TMEM132D: variants seen among roughly 807,000 people sequenced by gnomAD.
TMEM132D encodes the protein mature OL transmembrane protein.
TMEM132D carries 21 observed loss-of-function variants against 62.3 expected under a neutral mutation model. The observed-to-expected ratio is 0.34, with a 90% CI of 0.24 to 0.49. The LOEUF (loss-of-function observed/expected upper bound fraction) is 0.49. Among genes scored for constraint, TMEM132D ranks in the 20% least tolerant of loss-of-function variants. The pLI is 0.99. For missense variants in TMEM132D, 1,346 were observed against 1,402.8 expected (o/e 0.96, Z 0.65); for synonymous variants, 621 against 575.6 (o/e 1.08, Z -1.13).
intron 5 of TMEM132D, among the ~76,000 whole-genome samples, chr12:129,157,584 G>A (rs1402836261): frequency 6.6e-6 from 1 of 152,180 alleles, no homozygotes; most frequent in East Asian, 1.9e-4. Context: ...CACAATGGAA[G>A]CAACAGACAC....
At chr12:129,643,132 C>T (rs1227718145) in intron 2 of TMEM132D, among the ~76,000 whole-genome samples, 1 of 151,994 alleles carries the variant, frequency 6.6e-6, no homozygotes, top group African/African-American at 2.4e-5. Flanking sequence ...ACCATGTTGA[C>T]CAGGCTGGTC....
At chr12:129,402,066 C>T (rs1251410067) in intron 3 of TMEM132D, among the ~76,000 whole-genome samples, 1 of 152,150 alleles carries the variant, frequency 6.6e-6, no homozygotes, top group Non-Finnish European at 1.5e-5. Flanking sequence ...CCAAGCTCTC[C>T]AAAGGCAAGA....
At chr12:129,119,709 C>T (rs569474107) in intron 5 of TMEM132D, among the ~76,000 whole-genome samples, 1 of 152,278 alleles carries the variant, frequency 6.6e-6, no homozygotes, top group African/African-American at 2.4e-5. Context: ...GTCTGATGAG[C>T]ACCTCAGGGG....
intron 1 of TMEM132D, among the ~76,000 whole-genome samples, chr12:129,837,234 T>C (rs551817957): frequency 2.8e-4 from 42 of 152,342 alleles, no homozygotes; most frequent in Non-Finnish European, 3.5e-4. Flanking sequence ...TGGAAAGTAT[T>C]TTGTGACAAT....
At position 129,747,365 on chromosome 12, in the gene TMEM132D, T is replaced by C. The variant is rs115494154; in HGVS notation, c.80-46667A>G. On this transcript the variant is annotated intron_variant, in intron 1 of 8. Transcript: ENST00000422113. ...AGGACATTGCCCAATTGGTAGTTTC[T>C]CACTTTTACACATTTGAAAGCTCCA... 1.5e-3 allele frequency among the ~76,000 whole-genome samples: 227 copies of C among 152,086 alleles called. 1 individual carries two copies. Among genetic ancestry groups the C allele is most frequent in the African/African-American group, 5.1e-3 (211 of 41,474 alleles).
intron 3 of TMEM132D, among the ~76,000 whole-genome samples, chr12:129,515,165 A>G (rs1875634536): frequency 6.6e-6 from 1 of 152,098 alleles, no homozygotes. Context: ...CTTAATCTAG[A>G]TGCCCACTGA....
chr12:129,169,560 G>T (rs149496908), intron 5 of TMEM132D, among the ~76,000 whole-genome samples: 1 of 152,302 alleles, frequency 6.6e-6, no homozygotes, highest in East Asian at 1.9e-4. Context: ...TGGTTGTTCT[G>T]TTATCTTCTA....
chr12:129,716,914 A>G (rs1194570532), intron 1 of TMEM132D, among the ~76,000 whole-genome samples: 1 of 152,220 alleles, frequency 6.6e-6, no homozygotes, highest in Non-Finnish European at 1.5e-5. Flanking sequence ...TGGTCATAGG[A>G]ATTTGTGGGG....
At chr12:129,511,118 C>A (rs1311560456) in intron 3 of TMEM132D, among the ~76,000 whole-genome samples, 1 of 152,166 alleles carries the variant, frequency 6.6e-6, no homozygotes, top group African/African-American at 2.4e-5. Context: ...CATGTAAATA[C>A]ATCATAATAG....
chr12:129,876,087 T>C (rs1874408432), intron 1 of TMEM132D, among the ~76,000 whole-genome samples: 1 of 152,290 alleles, frequency 6.6e-6, no homozygotes, highest in South Asian at 2.1e-4. Flanking sequence ...TGGTCTCCAA[T>C]AGCTCACTAC....
rs116624567 is a variant in TMEM132D at position 129,310,836 on chromosome 12, C to T, written c.1299+26798G>A. 7.4e-3 allele frequency among the ~76,000 whole-genome samples: 1,134 copies of T among 152,218 alleles called. 12 individuals are homozygous for T. Among genetic ancestry groups the T allele is most frequent in the African/African-American group, 0.026 (1,065 of 41,520 alleles). ...GCCTTTTAAAGTGAGCTCCAGCCTCCGGGCTTGCATGCATCGTTGTCCCGA... is the reference window on the plus strand; with the variant it reads ...GCCTTTTAAAGTGAGCTCCAGCCTCTGGGCTTGCATGCATCGTTGTCCCGA... On this transcript the variant is annotated intron_variant, in intron 4 of 8. Coordinates refer to ENST00000422113, the MANE Select transcript of TMEM132D (RefSeq NM_133448.3).
chr12:129,647,243 GTTTTT>G (rs57450911), intron 2 of TMEM132D, among the ~76,000 whole-genome samples: 1 of 117,594 alleles, frequency 8.5e-6, no homozygotes, highest in Non-Finnish European at 1.7e-5. Context: ...TTGTTTTTCT[GTTTTT>G]TTTTTTTTTT....
chr12:129,238,973 CTCATCA>C (rs1213910831), intron 4 of TMEM132D, among the ~76,000 whole-genome samples: 1 of 151,166 alleles, frequency 6.6e-6, no homozygotes, highest in Non-Finnish European at 1.5e-5. Context: ...TCTCCTCATC[CTCATCA>C]ACATTTGTTA....
At chr12:129,477,691 G>T (rs1874309045) in intron 3 of TMEM132D, among the ~76,000 whole-genome samples, 1 of 151,988 alleles carries the variant, frequency 6.6e-6, no homozygotes, top group Admixed American at 6.6e-5. Context: ...CGTGGTGGTG[G>T]GCACCTGTAG....
At chr12:129,732,323 A>C (rs1869276532) in intron 1 of TMEM132D, among the ~76,000 whole-genome samples, 1 of 152,194 alleles carries the variant, frequency 6.6e-6, no homozygotes, top group South Asian at 2.1e-4. Context: ...GAGGTGGCTC[A>C]GGGTGGCCCC....
chr12:129,815,517 C>A (rs1361626442), intron 1 of TMEM132D, among the ~76,000 whole-genome samples: 7 of 152,222 alleles, frequency 4.6e-5, no homozygotes, highest in Admixed American at 3.3e-4. Context: ...GAGCCACCCC[C>A]ACCCTGCAGG....
chr12:129,327,068 G>A (rs3861080), intron 4 of TMEM132D, among the ~76,000 whole-genome samples: 147,351 of 152,184 alleles, frequency 0.97, 71,529 homozygotes, highest in East Asian at 1. Flanking sequence ...CTGTTGCCTA[G>A]CGAGAGAGTT....
intron 1 of TMEM132D, among the ~76,000 whole-genome samples, chr12:129,783,507 T>C (rs980715901): frequency 6.6e-6 from 1 of 152,214 alleles, no homozygotes; most frequent in Non-Finnish European, 1.5e-5. Flanking sequence ...ACAGGATCTA[T>C]GTGTGAACAA....
intron 3 of TMEM132D, among the ~76,000 whole-genome samples, chr12:129,448,708 T>C (rs1439584806): frequency 6.6e-6 from 1 of 152,186 alleles, no homozygotes; most frequent in Non-Finnish European, 1.5e-5. Context: ...ATTCTTATTT[T>C]AAAAAACTTT....
Sources: gnomAD v4.1 joint callset for allele counts (sites outside exome capture counted in the v4.1 genomes callset) on GRCh38, gnomAD v4.1.1 for gene constraint, MANE v1.5 for transcripts, NCBI Gene and HGNC (gene_info 2026-07-23, HGNC 2026-07-21) for gene names.